The following SLC10A7 variants were observed in gnomAD, a reference collection of about 807,000 sequenced individuals.
SLC10A7 encodes solute carrier family 10 member 7.
In SLC10A7, 29 loss-of-function variants were observed where a neutral mutation model predicts 43.2. The observed-to-expected ratio is 0.67, with a 90% CI of 0.50 to 0.92. SLC10A7 has a LOEUF of 0.92. SLC10A7 is among the 40% of genes least tolerant of loss of function. The pLI, the probability that SLC10A7 is intolerant of heterozygous loss-of-function variation, is 0.00. For missense variants in SLC10A7, 295 were observed against 403.2 expected, an observed-to-expected ratio of 0.73 and a Z score of 2.30; for synonymous variants, 152 against 144.8, an observed-to-expected ratio of 1.05 and a Z score of -0.35.
chr4:146,516,451 CAT>C (rs1409005901), intron 2 of SLC10A7, among the ~76,000 whole-genome samples: 1 of 145,946 alleles, frequency 6.9e-6, no homozygotes, highest in East Asian at 2.1e-4. Flanking sequence ...ACTTTTGACA[CAT>C]ATATGTATGT....
intron 9 of SLC10A7, among the ~76,000 whole-genome samples, chr4:146,290,046 T>C (rs1008192176): frequency 4.1e-5 from 6 of 145,708 alleles, no homozygotes; most frequent in East Asian, 4.6e-4. Context: ...ATTCTTGGGC[T>C]GGGCGTGGTG....
chr4:146,510,447 G>T (rs1397760454), intron 2 of SLC10A7, among the ~76,000 whole-genome samples: 3 of 151,942 alleles, frequency 2.0e-5, no homozygotes, highest in African/African-American at 7.3e-5. Context: ...ATTTTAGTAG[G>T]ATGGGATTTC....
At chr4:146,378,122 T>G (rs1308001358) in intron 5 of SLC10A7, among the ~76,000 whole-genome samples, 1 of 152,300 alleles carries the variant, frequency 6.6e-6, no homozygotes. Context: ...TGGATGCAGT[T>G]CTTTCAGAGG....
chr4:146,281,536 A>T, intron 10 of SLC10A7, among the ~76,000 whole-genome samples: 1 of 152,026 alleles, frequency 6.6e-6, no homozygotes, highest in East Asian at 1.9e-4. Flanking sequence ...ATACAGGCTC[A>T]TTCGATCCCT....
intron 6 of SLC10A7, among the ~76,000 whole-genome samples, chr4:146,320,747 T>A (rs377192910): frequency 6.6e-6 from 1 of 152,188 alleles, no homozygotes; most frequent in East Asian, 1.9e-4. Context: ...AACATTTTTT[T>A]TGGACTGATA....
At chr4:146,452,857 AC>A (rs1456658563) in intron 4 of SLC10A7, among the ~76,000 whole-genome samples, 1 of 151,968 alleles carries the variant, frequency 6.6e-6, no homozygotes, top group African/African-American at 2.4e-5. Flanking sequence ...TTAAACCATT[AC>A]TGAATATTTT....
In SLC10A7 at chr4:146,305,913, T is replaced by C. The variant is rs773034401; in HGVS notation, c.555+13A>G. On this transcript the variant is annotated intron_variant, in intron 7 of 11. Transcript: ENST00000335472. ...TCCATAAAGAAAAGATCAGATAGAA[T>C]TGGAGGCCTTACCTGTCCAATGATG... 1.9e-6 allele frequency: 3 copies of C among 1,588,852 alleles called. No homozygotes were observed. The highest frequency in any genetic ancestry group is 1.4e-5 in the African/African-American group (1 of 73,592).
chr4:146,290,143 T>C (rs1730332155), intron 9 of SLC10A7, among the ~76,000 whole-genome samples: 1 of 150,592 alleles, frequency 6.6e-6, no homozygotes, highest in Non-Finnish European at 1.5e-5. Flanking sequence ...GCTAACATGC[T>C]GAAACCCCAT....
chr4:146,512,860 C>T (rs764117129), intron 2 of SLC10A7, among the ~76,000 whole-genome samples: 1 of 152,060 alleles, frequency 6.6e-6, no homozygotes, highest in Non-Finnish European at 1.5e-5. Flanking sequence ...ACTAAATGTT[C>T]ATCAATAGAG....
rs1737618069 is a variant in SLC10A7, at chr4:146,381,452, A to G, written c.436-55456T>C. ...TCATTTCCCCTTTCAATCCGTCTCA[A>G]TTACTGTTATGGGATGCTTCAATTA... On this transcript the variant is annotated intron_variant, in intron 5 of 11. Transcript: ENST00000335472. Among the ~76,000 whole-genome samples, 3 of 152,068 alleles carry G rather than the reference A, an allele frequency of 2.0e-5. No homozygotes were observed. The South Asian group carries it at 6.2e-4, about 32-fold the overall frequency.
chr4:146,258,882 T>C, intron 10 of SLC10A7, 45 bp from the exon 11 acceptor site: 1 of 1,585,472 alleles, frequency 6.3e-7, no homozygotes, highest in Non-Finnish European at 8.5e-7. Context: ...ATTCAGTCTG[T>C]CATCAAATTA....
chr4:146,286,531 T>C (rs868010966), intron 9 of SLC10A7, among the ~76,000 whole-genome samples: 1 of 148,136 alleles, frequency 6.8e-6, no homozygotes, highest in Non-Finnish European at 1.5e-5. Flanking sequence ...TGAGAAGGAC[T>C]GTGTTTGGAG....
intron 5 of SLC10A7, among the ~76,000 whole-genome samples, chr4:146,401,122 C>A (rs1739195214): frequency 6.6e-6 from 1 of 152,110 alleles, no homozygotes; most frequent in African/African-American, 2.4e-5. Context: ...CAGCTGAAGT[C>A]ATTCAGCAAT....
intron 7 of SLC10A7, among the ~76,000 whole-genome samples, chr4:146,301,143 T>C (rs777070780): frequency 6.6e-6 from 1 of 152,228 alleles, no homozygotes; most frequent in East Asian, 1.9e-4. Context: ...CAATAAATTA[T>C]ATTATTTCCT....
rs114965504 is a variant in SLC10A7, at chr4:146,514,935, G to T, written c.183+2103C>A. Reference sequence around the variant, plus strand: ...ATTCTTTTGAAAAGGGCTTTTGATGGAAGAAATGGCTTTGATTGCTGCTTA... The same window carrying T: ...ATTCTTTTGAAAAGGGCTTTTGATGTAAGAAATGGCTTTGATTGCTGCTTA... On this transcript the variant is annotated intron_variant, in intron 2 of 11. Coordinates refer to ENST00000335472, the MANE Select transcript of SLC10A7 (RefSeq NM_001029998.6). 785 of 549,860 alleles carry T rather than the reference G, an allele frequency of 1.4e-3. 9 individuals are homozygous for T. Among genetic ancestry groups the T allele is most frequent in the African/African-American group, 0.013 (668 of 52,626 alleles). 34.1% of individuals were successfully genotyped at this position (549,860 alleles called of 1,614,324 possible).
At chr4:146,460,993 C>T (rs1732479468) in intron 4 of SLC10A7, among the ~76,000 whole-genome samples, 1 of 151,854 alleles carries the variant, frequency 6.6e-6, no homozygotes, top group Non-Finnish European at 1.5e-5. Flanking sequence ...TGAACCAAAA[C>T]CACCAAATTT....
chr4:146,474,522 C>A lies in SLC10A7; in HGVS notation c.396+29327G>T, dbSNP rs1487387586. Among the ~76,000 whole-genome samples, 4 of 151,762 alleles carry A rather than the reference C, an allele frequency of 2.6e-5. No individual in the cohort carries two copies. The East Asian group carries it at 7.7e-4, about 29-fold the overall frequency. On this transcript the variant is annotated intron_variant, in intron 4 of 11. Coordinates refer to ENST00000335472, the MANE Select transcript of SLC10A7 (RefSeq NM_001029998.6). ...AGGTACATTTCCACTCTAGGGTAAA[C>A]AAAAGAAAAGCATGTATATGAAATA...
At chr4:146,306,646 A>G (rs1472842581) in intron 6 of SLC10A7, among the ~76,000 whole-genome samples, 1 of 152,114 alleles carries the variant, frequency 6.6e-6, no homozygotes, top group African/African-American at 2.4e-5. Flanking sequence ...GTTAACAATT[A>G]CAATCTCAGT....
rs1244981208 is a variant in SLC10A7, at chr4:146,326,932, A to AGT, written c.436-937_436-936insAC. On this transcript the variant is annotated intron_variant, in intron 5 of 11. Coordinates refer to ENST00000335472, the MANE Select transcript of SLC10A7 (RefSeq NM_001029998.6). ...GAGAGGGACAGACACACACACACACACACACACACACACACACACACACAC... is the reference window on the plus strand; with the variant it reads ...GAGAGGGACAGACACACACACACACAGTCACACACACACACACACACACACAC... Among the ~76,000 whole-genome samples the AGT allele has an allele frequency of 1.3e-3, 117 of 92,556 alleles. 1 individual carries two copies. Among genetic ancestry groups the AGT allele is most frequent in the African/African-American group, 4.0e-3 (73 of 18,074 alleles). 60.7% of individuals were successfully genotyped at this position (92,556 alleles called of 152,430 possible).
Sources: allele counts gnomAD v4.1 joint callset (sites outside exome capture counted in the v4.1 genomes callset), GRCh38; gene constraint gnomAD v4.1.1; transcripts MANE v1.5; gene names NCBI Gene and HGNC (gene_info 2026-07-23, HGNC 2026-07-21).